Variants in TRAK1 observed in about 807,000 individuals in gnomAD.
The protein encoded by TRAK1 is trafficking kinesin protein 1, also known as trafficking kinesin-binding protein 1.
TRAK1 carries 33 observed loss-of-function variants against 92.1 expected under a neutral mutation model. That is an observed-to-expected ratio of 0.36 (90% CI 0.27 to 0.48). The LOEUF (loss-of-function observed/expected upper bound fraction) is 0.48. Ranked by LOEUF, TRAK1 falls within the 20% of genes least tolerant of loss-of-function variation. The pLI is 0.99. For synonymous variants in TRAK1, 521 were observed against 517.3 expected (o/e 1.01, Z -0.10); for missense variants, 1,123 against 1,257.9 (o/e 0.89, Z 1.62).
chr3:42,028,907 A>G (rs1192099953), intron 1 of TRAK1, among the ~76,000 whole-genome samples: 1 of 152,194 alleles, frequency 6.6e-6, no homozygotes, highest in East Asian at 1.9e-4. Flanking sequence ...TCACATGGCT[A>G]TAAATAAATA....
intron 4 of TRAK1, among the ~76,000 whole-genome samples, chr3:42,185,654 C>T (rs1302709498): frequency 2.0e-5 from 3 of 148,950 alleles, no homozygotes; most frequent in Non-Finnish European, 4.4e-5. Context: ...TGTTTCTTTT[C>T]CCCTTTTCTT....
At chr3:42,047,910 A>G in intron 1 of TRAK1, among the ~76,000 whole-genome samples, 1 of 140,324 alleles carries the variant, frequency 7.1e-6, no homozygotes, top group African/African-American at 2.6e-5. Context: ...ACTCCCCCCC[A>G]TAGTTTCTTT....
At chr3:42,099,963 G>A (rs527708849) in intron 1 of TRAK1, among the ~76,000 whole-genome samples, 1 of 152,186 alleles carries the variant, frequency 6.6e-6, no homozygotes, top group African/African-American at 2.4e-5. Flanking sequence ...CTGTCCAGGT[G>A]AGGATGCAGC....
chr3:42,044,840 T>A (rs946464534), intron 1 of TRAK1, among the ~76,000 whole-genome samples: 7 of 152,196 alleles, frequency 4.6e-5, no homozygotes, highest in Non-Finnish European at 8.8e-5. Context: ...TGCTCTGTTT[T>A]TTTTTACTTC....
chr3:42,137,310 T>C (rs1184811564), intron 2 of TRAK1, among the ~76,000 whole-genome samples: 18 of 152,262 alleles, frequency 1.2e-4, no homozygotes, highest in African/African-American at 3.6e-4. Context: ...CTTTTACTTC[T>C]GGATATCAGG....
chr3:42,097,927 T>C (rs1260021202), intron 1 of TRAK1, among the ~76,000 whole-genome samples: 1 of 152,228 alleles, frequency 6.6e-6, no homozygotes, highest in East Asian at 1.9e-4. Flanking sequence ...GCTGTGATAC[T>C]GACAACTATG....
chr3:42,179,175 A>C (rs1368232213), intron 3 of TRAK1, among the ~76,000 whole-genome samples: 1 of 152,178 alleles, frequency 6.6e-6, no homozygotes, highest in Non-Finnish European at 1.5e-5. Context: ...TTTGTGTTCC[A>C]TGTCTAATGC....
chr3:42,063,458 G>T (rs1703537313), intron 1 of TRAK1, among the ~76,000 whole-genome samples: 1 of 152,184 alleles, frequency 6.6e-6, no homozygotes, highest in Non-Finnish European at 1.5e-5. Flanking sequence ...GGCTGAGGCG[G>T]GCAAATCAGT....
intron 1 of TRAK1, among the ~76,000 whole-genome samples, chr3:42,068,088 G>C (rs1199221620): frequency 1.3e-5 from 2 of 151,628 alleles, no homozygotes; most frequent in African/African-American, 4.9e-5. Context: ...GAACCTGGGA[G>C]GCGGAGGTTG....
At position 42,218,165 on chromosome 3, in the gene TRAK1, A is replaced by G. The variant is rs115390628; in HGVS notation, c.1964-1329A>G. On this transcript the variant is annotated intron_variant, in intron 14 of 15. Coordinates refer to ENST00000327628, the MANE Select transcript of TRAK1 (RefSeq NM_001042646.3). ...TCTGGATTTGTCCTGCCTACCTTTA[A>G]TCTGTGTCTCCAGCATTTATTTTTT... is the stretch of plus-strand genomic sequence containing the variant. 397 of 985,210 alleles carry G rather than the reference A, an allele frequency of 4.0e-4. 2 individuals are homozygous for G. The African/African-American group carries it at 6.5e-3, about 16-fold the overall frequency. The allele number at this position is 985,210 out of a possible 1,614,324, so 61.0% of individuals were successfully genotyped here.
At chr3:42,213,540 A>G (rs1039027085) in intron 14 of TRAK1, among the ~76,000 whole-genome samples, 1 of 152,254 alleles carries the variant, frequency 6.6e-6, no homozygotes, top group Non-Finnish European at 1.5e-5. Flanking sequence ...GAGTGAGGAA[A>G]GGGCAGAGAA....
intron 1 of TRAK1, among the ~76,000 whole-genome samples, chr3:42,043,330 A>G (rs1191163158): frequency 6.7e-6 from 1 of 148,762 alleles, no homozygotes; most frequent in Admixed American, 6.7e-5. Context: ...TCTCTTTCCT[A>G]TCCCCTCCCC....
At chr3:42,072,984 T>C (rs1703998925) in intron 1 of TRAK1, among the ~76,000 whole-genome samples, 2 of 152,188 alleles carry the variant, frequency 1.3e-5, no homozygotes, top group Admixed American at 1.3e-4. Flanking sequence ...TGTGTTTATC[T>C]GTGTGCATAT....
At position 42,202,872 on chromosome 3, in the gene TRAK1, C is replaced by T; in HGVS notation, c.1744+120C>T. 6.8e-7 allele frequency: 1 copy of T among 1,475,562 alleles called. No homozygotes were observed. The highest frequency in any genetic ancestry group is 9.0e-7 in the Non-Finnish European group (1 of 1,111,130). 91.4% of individuals were successfully genotyped at this position (1,475,562 alleles called of 1,614,324 possible). A position where few individuals can be genotyped will look rare whatever the true frequency, so the allele number is the denominator to read the frequency against. ...CTACTCCTTTTTCTTCCGCGACAGC[C>T]ACCCGCGCTGCTGGTTTGAGTTCCT... On this transcript the variant is annotated intron_variant, in intron 13 of 15. Transcript: ENST00000327628. The surrounding 1 kb of genome is among the most constrained non-coding windows in gnomAD (Gnocchi z 6.1).
chr3:42,136,002 G>C (rs1260490197), intron 2 of TRAK1, among the ~76,000 whole-genome samples: 1 of 152,196 alleles, frequency 6.6e-6, no homozygotes, highest in African/African-American at 2.4e-5. Context: ...CAATGACCCT[G>C]TCCATTCTCA....
At chr3:42,099,228 G>A (rs1407463897) in intron 1 of TRAK1, among the ~76,000 whole-genome samples, 3 of 152,080 alleles carry the variant, frequency 2.0e-5, no homozygotes, top group African/African-American at 7.2e-5. Flanking sequence ...TGGAGAGGAC[G>A]GCCGCCAACC....
upstream of TRAK1, among the ~76,000 whole-genome samples, chr3:42,084,903 AG>A (rs1302848812): frequency 6.6e-6 from 1 of 151,314 alleles, no homozygotes; most frequent in Non-Finnish European, 1.5e-5. Context: ...TTTTCTCACC[AG>A]GGATATACAG....
chr3:42,058,139 C>T (rs1220201781), intron 1 of TRAK1, among the ~76,000 whole-genome samples: 4 of 152,018 alleles, frequency 2.6e-5, no homozygotes, highest in African/African-American at 9.7e-5. Flanking sequence ...GACTTGTGGC[C>T]GGCTTCTGGG....
intron 1 of TRAK1, among the ~76,000 whole-genome samples, chr3:42,069,232 G>A (rs1703806957): frequency 6.6e-6 from 1 of 150,676 alleles, no homozygotes; most frequent in Non-Finnish European, 1.5e-5. Flanking sequence ...CAGGTGGGAG[G>A]ATTGCTTTAG....
Sources: allele counts gnomAD v4.1 joint callset (sites outside exome capture counted in the v4.1 genomes callset), GRCh38; gene constraint gnomAD v4.1.1; non-coding constraint Gnocchi (gnomAD v3.1); transcripts MANE v1.5; gene names NCBI Gene and HGNC (gene_info 2026-07-23, HGNC 2026-07-21).